MALRD1: variants seen among roughly 807,000 people sequenced by gnomAD.
MALRD1 encodes the protein MAM and LDL receptor class A domain containing 1, also known as MAM and LDL-receptor class A domain-containing protein 1.
In MALRD1, 247 loss-of-function variants were observed where a neutral mutation model predicts 242.1. The ratio of observed to expected loss-of-function variants is 1.02; its 90% CI spans 0.92 to 1.13. The LOEUF (loss-of-function observed/expected upper bound fraction) is 1.13, where lower values mean the gene tolerates loss of function less well. MALRD1 is among the 50% of genes most tolerant of loss of function. The pLI is 0.00. For missense variants in MALRD1, 2,989 were observed against 2,533.1 expected, an observed-to-expected ratio of 1.18 and a Z score of -3.86; for synonymous variants, 995 against 866.6, an observed-to-expected ratio of 1.15 and a Z score of -2.60.
intron 4 of MALRD1, among the ~76,000 whole-genome samples, chr10:19,098,050 T>G (rs1836108933): frequency 6.6e-6 from 1 of 152,182 alleles, no homozygotes; most frequent in South Asian, 2.1e-4. Flanking sequence ...TTTATGGACA[T>G]TCTCTCAATT....
intron 24 of MALRD1, among the ~76,000 whole-genome samples, chr10:19,344,313 A>G (rs951761967): frequency 2.0e-5 from 3 of 152,096 alleles, no homozygotes; most frequent in Non-Finnish European, 2.9e-5. Context: ...AGTATGAATC[A>G]TTTAGTTAAT....
chr10:19,624,890 A>G (rs1207772697), intron 36 of MALRD1, among the ~76,000 whole-genome samples: 2 of 151,468 alleles, frequency 1.3e-5, no homozygotes, highest in Admixed American at 6.6e-5. Context: ...AAAAAAAAAA[A>G]AAAAAAAAAG....
At chr10:19,475,234 C>T (rs2358404) in intron 29 of MALRD1, among the ~76,000 whole-genome samples, 131,053 of 152,052 alleles carry the variant, frequency 0.86, 56,640 homozygotes, top group East Asian at 1. Flanking sequence ...GCTAACACAG[C>T]GAAACCCCGT....
At chr10:19,577,173 G>A (rs1005435778) in intron 33 of MALRD1, among the ~76,000 whole-genome samples, 28 of 152,042 alleles carry the variant, frequency 1.8e-4, no homozygotes, top group African/African-American at 6.0e-4. Context: ...GATTCATAAG[G>A]CCTCGTTTTA....
rs1253346337 is a variant in MALRD1, at chr10:19,373,217, A to ATAAAAAAAAAAAAAAAT, written c.4442-14311_4442-14310insTAAAAAAAAAAAAAAAT. 4.9e-5 allele frequency among the ~76,000 whole-genome samples: 7 copies of ATAAAAAAAAAAAAAAAT among 142,566 alleles called. No homozygotes were observed. The East Asian group carries it at 1.2e-3, about 25-fold the overall frequency. The allele number at this position is 142,566 out of a possible 152,430, so 93.5% of individuals were successfully genotyped here. A position where few individuals can be genotyped will look rare whatever the true frequency, so the allele number is the denominator to read the frequency against. On this transcript the variant is annotated intron_variant, in intron 26 of 39. Coordinates refer to ENST00000454679, the MANE Select transcript of MALRD1 (RefSeq NM_001142308.3). ...AACGCTAAATACAAAAAAAAAAAAA[A>ATAAAAAAAAAAAAAAAT]AAATAAGGGGCCGGGCACGGTGGCT...
intron 18 of MALRD1, among the ~76,000 whole-genome samples, chr10:19,214,532 G>A (rs746472656): frequency 2.0e-5 from 3 of 152,164 alleles, no homozygotes; most frequent in Non-Finnish European, 4.4e-5. Flanking sequence ...AGAACTTTCT[G>A]TCCATTGAAT....
At chr10:19,519,188 A>G (rs1312591224) in intron 31 of MALRD1, among the ~76,000 whole-genome samples, 2 of 140,006 alleles carry the variant, frequency 1.4e-5, no homozygotes, top group Admixed American at 1.5e-4. Context: ...TTCATTGTCA[A>G]AATTTTTCAT....
chr10:19,176,366 C>CCTTTTTTTTTTTTTTTTTTTTTT (rs1484132630), intron 14 of MALRD1, among the ~76,000 whole-genome samples: 38 of 87,300 alleles, frequency 4.4e-4, no homozygotes, highest in African/African-American at 1.6e-3. Flanking sequence ...TTTCTGGGTG[C>CCTTTTTTTTTTTTTTTTTTTTTT]TTTTTTTTTT....
rs1463344966 is a variant in MALRD1, at chr10:19,491,571, A to G, written c.5084A>G (p.Lys1695Arg). The G allele has an allele frequency of 1.1e-5, 17 of 1,550,206 alleles. No homozygotes were observed. The highest frequency in any genetic ancestry group is 1.3e-5 in the Non-Finnish European group (15 of 1,146,904). Residue 1695 changes from lysine (K) to arginine (R), a missense_variant, in exon 30 of 40, where the codon AAG (lysine) becomes AGG (arginine). By Grantham distance (26) the Lys-to-Arg change is conservative. Coordinates refer to ENST00000454679, the MANE Select transcript of MALRD1 (RefSeq NM_001142308.3). ...PEITDFLCRDKKCIASHLLCD... is the reference protein window; with the variant it reads ...PEITDFLCRDRKCIASHLLCD... ...ATCACTGATTTTTTGTGCCGGGACAAGAAGTGCATTGCATCCCACCTTCTT... is the reference window on the plus strand; with the variant it reads ...ATCACTGATTTTTTGTGCCGGGACAGGAAGTGCATTGCATCCCACCTTCTT...
chr10:19,518,817 T>A (rs1315670647), intron 31 of MALRD1, among the ~76,000 whole-genome samples: 1 of 152,242 alleles, frequency 6.6e-6, no homozygotes, highest in African/African-American at 2.4e-5. Flanking sequence ...GTTTCAATTT[T>A]AGTGGCAATT....
At chr10:19,651,888 T>G (rs1802782578) in intron 36 of MALRD1, among the ~76,000 whole-genome samples, 1 of 152,190 alleles carries the variant, frequency 6.6e-6, no homozygotes, top group Admixed American at 6.5e-5. Flanking sequence ...TTCTTAATGT[T>G]GCATGACCCA....
Position 19,543,893 on chromosome 10 carries a change from CT to C in MALRD1, c.5478+12543del, listed in dbSNP as rs1386935591. 2.6e-5 allele frequency among the ~76,000 whole-genome samples: 4 copies of C among 152,124 alleles called. No individual in the cohort carries two copies. In the East Asian group the frequency reaches 7.7e-4, roughly 29 times the overall value. ...CATCCTCAAGCCTGGCCCAAATAAA[CT>C]CTCTACTTAACGTTAATTTCTCCTC... On this transcript the variant is annotated intron_variant, in intron 32 of 39. Transcript: ENST00000454679.
At chr10:19,583,538 G>T (rs1270177858) in intron 33 of MALRD1, among the ~76,000 whole-genome samples, 3 of 150,406 alleles carry the variant, frequency 2.0e-5, no homozygotes, top group Non-Finnish European at 3.0e-5. Flanking sequence ...ATTGATTTGC[G>T]TATATTGAAC....
chr10:19,147,976 A>C (rs1339859495), intron 11 of MALRD1, among the ~76,000 whole-genome samples: 3 of 152,122 alleles, frequency 2.0e-5, no homozygotes, highest in African/African-American at 7.2e-5. Context: ...AGAACTGATG[A>C]AACAGGAGAG....
At chr10:19,676,834 A>T (rs916779059) in intron 36 of MALRD1, among the ~76,000 whole-genome samples, 1 of 152,166 alleles carries the variant, frequency 6.6e-6, no homozygotes, top group African/African-American at 2.4e-5. Flanking sequence ...CTCCCCTGAC[A>T]GGACCCAGTG....
At chr10:19,320,118 T>C (rs1307646889) in intron 21 of MALRD1, among the ~76,000 whole-genome samples, 1 of 141,490 alleles carries the variant, frequency 7.1e-6, no homozygotes, top group East Asian at 2.3e-4. Flanking sequence ...GTTTGTTACA[T>C]AGGTATACAT....
intron 28 of MALRD1, among the ~76,000 whole-genome samples, chr10:19,411,047 T>G (rs1247314806): frequency 2.6e-5 from 4 of 152,176 alleles, no homozygotes; most frequent in Non-Finnish European, 5.9e-5. Context: ...TATTATAATA[T>G]GAAATCTGCG....
At chr10:19,225,579 G>A (rs372767231) in intron 18 of MALRD1, among the ~76,000 whole-genome samples, 4 of 152,118 alleles carry the variant, frequency 2.6e-5, no homozygotes, top group African/African-American at 7.2e-5. Flanking sequence ...TAGTGTGACC[G>A]AAGTATCATC....
rs542568281 is a variant in MALRD1, at chr10:19,381,673, C to CAAA, written c.4442-5841_4442-5839dup. On this transcript the variant is annotated intron_variant, in intron 26 of 39. Coordinates refer to ENST00000454679, the MANE Select transcript of MALRD1 (RefSeq NM_001142308.3). ...TGAAACTCTTTCTCTACTAAAAATA[C>CAAA]AAAAAAAAAAAAAAAATTAGCCGGG... 6.4e-3 allele frequency among the ~76,000 whole-genome samples: 759 copies of CAAA among 118,562 alleles called. 11 individuals are homozygous for CAAA. The highest frequency in any genetic ancestry group is 0.021 in the African/African-American group (708 of 33,408). 77.8% of individuals were successfully genotyped at this position (118,562 alleles called of 152,430 possible).
Sources: allele counts gnomAD v4.1 joint callset (sites outside exome capture counted in the v4.1 genomes callset), GRCh38; gene constraint gnomAD v4.1.1; transcripts MANE v1.5; gene names NCBI Gene and HGNC (gene_info 2026-07-23, HGNC 2026-07-21).